FANCA: variants seen among roughly 807,000 people sequenced by gnomAD.
FANCA encodes the protein FA complementation group A.
Under a neutral mutation model 194.3 loss-of-function variants are expected in FANCA, and 236 were observed. The observed-to-expected ratio is 1.21, with a 90% CI of 1.09 to 1.35. FANCA has a LOEUF of 1.35. FANCA is among the 40% of genes most tolerant of loss of function. The pLI is 0.00. For synonymous variants in FANCA, 1,014 were observed against 715.8 expected (o/e 1.42, Z -6.65); for missense variants, 2,628 against 1,813.9 (o/e 1.45, Z -8.15).
In FANCA at chr16:89,773,276, C is replaced by G; in HGVS notation, c.2009G>C (p.Arg670Pro). Reference sequence around the variant, plus strand: ...GAGCTCCCATCCATCCTCACCATCACGCTGGCTGGGGTCTGTCATGGAGGC... The same window carrying G: ...GAGCTCCCATCCATCCTCACCATCAGGCTGGCTGGGGTCTGTCATGGAGGC... ...LRASMTDPSQ[R>P]DVISAQVAVI... The change falls in exon 22 of 43, where the codon CGT (arginine) becomes CCT (proline). Residue 670 changes from arginine to proline, a missense_variant. Physicochemically the swap from Arg to Pro is moderately radical, Grantham distance 103 (BLOSUM62 -2). Transcript: ENST00000389301. 2 of 1,550,186 alleles carry G rather than the reference C, an allele frequency of 1.3e-6. No homozygotes were observed. Among genetic ancestry groups the G allele is most frequent in the Non-Finnish European group, 1.7e-6 (2 of 1,146,126 alleles).
At chr16:89,798,361 A>C (rs1359254302) in intron 10 of FANCA, 11 of 1,039,094 alleles carry the variant, frequency 1.1e-5, no homozygotes, top group Non-Finnish European at 1.3e-5. Flanking sequence ...ACATTCAGGA[A>C]ATCACACAGT....
rs1307036426 is a variant in FANCA at position 89,759,890 on chromosome 16, T to A, written c.2853-1185A>T. 2.0e-5 allele frequency among the ~76,000 whole-genome samples: 3 copies of A among 152,122 alleles called. No individual in the cohort carries two copies. In the East Asian group the frequency reaches 5.8e-4, roughly 30 times the overall value. ...GAGTGCTAGGGAGTGTGTGCTCTCC[T>A]CACACTGTCCGGGACTGGGGTGCTC... On this transcript the variant is annotated intron_variant, in intron 29 of 42. Transcript: ENST00000389301.
chr16:89,738,829 G>T, intron 42 of FANCA, 53 bp downstream of exon 42: 5 of 1,614,132 alleles, frequency 3.1e-6, no homozygotes, highest in Non-Finnish European at 4.2e-6. Flanking sequence ...GGCCCAGGCA[G>T]CTGTCAATTC....
rs776117258 is a variant in FANCA at position 89,791,369 on chromosome 16, C to A, written c.1359+34G>T. On this transcript the variant is annotated intron_variant, in intron 14 of 42. Transcript: ENST00000389301. The stretch of plus-strand genomic sequence containing the variant: ...CCACTCCCAGGCCTTCTGGGAAGAT[C>A]AGGTATTAGGTAGCCGATTGGCAGG... 15 of 1,611,022 alleles carry A rather than the reference C, an allele frequency of 9.3e-6. No homozygotes were observed. The Middle Eastern group carries it at 4.9e-4, about 53-fold the overall frequency.
At chr16:89,766,802 T>C (rs1453020142) in intron 27 of FANCA, among the ~76,000 whole-genome samples, 2 of 152,210 alleles carry the variant, frequency 1.3e-5, no homozygotes, top group East Asian at 1.9e-4. Context: ...CAGGGAAAGA[T>C]ACTTATTATG....
chr16:89,782,327 T>C (rs1033423386), intron 17 of FANCA, among the ~76,000 whole-genome samples: 17 of 150,892 alleles, frequency 1.1e-4, no homozygotes, highest in Middle Eastern at 3.4e-3. Context: ...CTGGCTAACA[T>C]GGCGAAACCC....
At position 89,740,553 on chromosome 16, in the gene FANCA, T is replaced by C. The variant is rs17227347; in HGVS notation, c.3828+251A>G. On this transcript the variant is annotated intron_variant, in intron 38 of 42. Transcript: ENST00000389301. ...CGGGAGGCTGATGCAGGAGAATTGCTTGAACCCAGGAGGCTGAGGTTGCAG... is the reference window on the plus strand; with the variant it reads ...CGGGAGGCTGATGCAGGAGAATTGCCTGAACCCAGGAGGCTGAGGTTGCAG... 15,389 of 536,566 alleles carry C rather than the reference T, an allele frequency of 0.029. 693 individuals are homozygous for C. Among genetic ancestry groups the C allele is most frequent in the African/African-American group, 0.13 (6,911 of 52,320 alleles). The allele number at this position is 536,566 out of a possible 1,614,324, so 33.2% of individuals were successfully genotyped here.
chr16:89,765,175 C>A, intron 27 of FANCA, 109 bp from the exon 28 acceptor site: 2 of 1,305,608 alleles, frequency 1.5e-6, no homozygotes, highest in South Asian at 1.2e-5. Flanking sequence ...ACACACAACC[C>A]CACATTCAGA....
intron 31 of FANCA, among the ~76,000 whole-genome samples, chr16:89,751,632 G>A (rs1418367655): frequency 6.6e-6 from 1 of 152,132 alleles, no homozygotes; most frequent in Non-Finnish European, 1.5e-5. Context: ...CGCACGGGTG[G>A]CCAGCACCAG....
intron 20 of FANCA, among the ~76,000 whole-genome samples, chr16:89,777,747 A>G (rs1161306531): frequency 6.6e-6 from 1 of 152,108 alleles, no homozygotes; most frequent in Non-Finnish European, 1.5e-5. Context: ...TTATTATTCT[A>G]AACAATAACT....
At chr16:89,755,808 G>C (rs546507827) in intron 30 of FANCA, among the ~76,000 whole-genome samples, 1 of 152,204 alleles carries the variant, frequency 6.6e-6, no homozygotes, top group African/African-American at 2.4e-5. Flanking sequence ...GAACATCCAA[G>C]AGCACAGACA....
intron 14 of FANCA, among the ~76,000 whole-genome samples, chr16:89,786,270 G>A (rs547708336): frequency 5.9e-5 from 9 of 151,964 alleles, no homozygotes; most frequent in Non-Finnish European, 1.2e-4. Context: ...CGTAACCTCC[G>A]CCTCCCAGGT....
chr16:89,746,455 T>C (rs1037406277), intron 35 of FANCA, 129 bp downstream of exon 35: 2 of 774,692 alleles, frequency 2.6e-6, no homozygotes, highest in African/African-American at 1.7e-5. Context: ...GTGGCTTCCA[T>C]GTCTCCTGAT....
intron 14 of FANCA, among the ~76,000 whole-genome samples, chr16:89,786,610 C>G (rs1486942984): frequency 3.3e-5 from 5 of 152,178 alleles, no homozygotes; most frequent in Non-Finnish European, 7.3e-5. Context: ...AACTATCACA[C>G]CTGACCATGT....
In FANCA at chr16:89,780,984, T is replaced by C. The variant is rs888021924; in HGVS notation, c.1627-1027A>G. On this transcript the variant is annotated intron_variant, in intron 17 of 42. Coordinates refer to ENST00000389301, the MANE Select transcript of FANCA (RefSeq NM_000135.4). The stretch of plus-strand genomic sequence containing the variant: ...GCAATAAATTATAAATGGAAAATTA[T>C]ATTAAATATTTTCACCTAACACTTT... Among the ~76,000 whole-genome samples, 21 of 151,552 alleles carry C rather than the reference T, an allele frequency of 1.4e-4. 1 individual carries two copies. The highest frequency in any genetic ancestry group is 1.3e-3 in the Admixed American group (20 of 15,204).
chr16:89,783,236 T>C (rs2039782217), intron 15 of FANCA, 134 bp from the exon 16 acceptor site: 5 of 729,300 alleles, frequency 6.9e-6, no homozygotes, highest in South Asian at 4.4e-5. Flanking sequence ...CTTATGAGTA[T>C]GCAAAGCAAA....
chr16:89,798,470 A>T (rs1217357074), intron 10 of FANCA: 11 of 1,093,490 alleles, frequency 1.0e-5, no homozygotes, highest in Non-Finnish European at 1.2e-5. Context: ...GGAGCAAAAT[A>T]AAGAATGAAA....
chr16:89,774,739 A>AAAAAAAG (rs2039441586), intron 21 of FANCA, among the ~76,000 whole-genome samples: 1 of 145,786 alleles, frequency 6.9e-6, no homozygotes, highest in Non-Finnish European at 1.5e-5. Context: ...CAAAAAAAAA[A>AAAAAAAG]AAAAAAAAAA....
Position 89,783,110 on chromosome 16 carries a change from T to G in FANCA, c.1471-8A>C. The G allele has an allele frequency of 1.2e-6, 2 of 1,604,984 alleles. No individual in the cohort carries two copies. The highest frequency in any genetic ancestry group is 1.3e-5 in the African/African-American group (1 of 74,602). ...TGGGTGGAGAATGTGCACCTGAGGA[T>G]AGATAGCAGAGCGCAGCACCGTTAG... On this transcript the variant is annotated splice_region_variant and splice_polypyrimidine_tract_variant and intron_variant, in intron 15 of 42. Transcript: ENST00000389301.
Sources: allele counts gnomAD v4.1 joint callset (sites outside exome capture counted in the v4.1 genomes callset), GRCh38; gene constraint gnomAD v4.1.1; transcripts MANE v1.5; gene names NCBI Gene and HGNC (gene_info 2026-07-23, HGNC 2026-07-21).